LZTFL1: variants seen among roughly 807,000 people sequenced by gnomAD.
LZTFL1 encodes leucine zipper transcription factor-like protein 1.
In LZTFL1, 25 loss-of-function variants were observed where a neutral mutation model predicts 45.9. That is an observed-to-expected ratio of 0.54 (90% confidence interval 0.40 to 0.76). LZTFL1 has a LOEUF of 0.76. LZTFL1 is among the 30% of genes least tolerant of loss of function. The pLI, the probability that LZTFL1 is intolerant of heterozygous loss-of-function variation, is 0.00. For synonymous variants in LZTFL1, 93 were observed against 117.4 expected (o/e 0.79, Z 1.35); for missense variants, 277 against 331.1 (o/e 0.84, Z 1.27).
intron 3 of LZTFL1, chr3:45,855,210 C>T (rs1193350045): frequency 1.1e-5 from 6 of 557,216 alleles, no homozygotes; most frequent in East Asian, 6.3e-5. Flanking sequence ...AAAGCTTATC[C>T]ACCACAATCA....
chr3:45,851,975 G>T (rs1701317117), intron 4 of LZTFL1, among the ~76,000 whole-genome samples: 1 of 152,018 alleles, frequency 6.6e-6, no homozygotes, highest in African/African-American at 2.4e-5. Flanking sequence ...GTCAGCTCCT[G>T]CTCCACTCCA....
Position 45,901,323 on chromosome 3 carries a change from C to T in LZTFL1, c.-215+11797G>A, listed in dbSNP as rs1702549514. On this transcript the variant is annotated intron_variant, in intron 2 of 4. Transcript: ENST00000472635. This position sits in a 1 kb window ranked among gnomAD's most constrained non-coding sequence, Gnocchi z 4.3. ...TACCATCTGGGTATTGGCAGCTGCT[C>T]TCTGCATCCCAGAAATCTTATACAG... 6.2e-7 allele frequency: 1 copy of T among 1,614,188 alleles called. No homozygotes were observed. Among genetic ancestry groups the T allele is most frequent in the African/African-American group, 1.3e-5 (1 of 75,064 alleles).
chr3:45,841,957 C>G (rs969422283), intron 1 of LZTFL1, 32 bp downstream of exon 1: 1 of 1,609,052 alleles, frequency 6.2e-7, no homozygotes, highest in African/African-American at 1.3e-5. Flanking sequence ...CTCTCCTGTG[C>G]GCGGTGCGGC....
At chr3:45,875,207 A>ACG (rs1368089772) in intron 2 of LZTFL1, among the ~76,000 whole-genome samples, 1,357 of 24,452 alleles carry the variant, frequency 0.055, 21 homozygotes, top group African/African-American at 0.22. Flanking sequence ...CTCCCTTTGA[A>ACG]TGTGAGCTCT....
chr3:45,898,542 A>G (rs1223677502), intron 2 of LZTFL1, among the ~76,000 whole-genome samples: 2 of 152,216 alleles, frequency 1.3e-5, no homozygotes, highest in Non-Finnish European at 2.9e-5. Context: ...CGCCTCCAGG[A>G]TCCTGCTCCT....
chr3:45,851,471 C>T lies in LZTFL1; in HGVS notation c.-49+3515G>A, dbSNP rs979879144. On this transcript the variant is annotated intron_variant, in intron 4 of 4. Coordinates refer to the LZTFL1 transcript ENST00000472635. ...CAAACTCCTGACCTCATGATCCGCC[C>T]GCCTCGGCCTCCCAAAGTGCTGGGA... 6.6e-5 allele frequency among the ~76,000 whole-genome samples: 10 copies of T among 151,900 alleles called. No homozygotes were observed. The South Asian group carries it at 1.5e-3, about 22-fold the overall frequency.
chr3:45,846,611 C>T (rs1322079900), upstream of LZTFL1, among the ~76,000 whole-genome samples: 2 of 152,012 alleles, frequency 1.3e-5, no homozygotes, highest in Non-Finnish European at 2.9e-5. Context: ...ATATTATTTC[C>T]ATAAAGTAAG....
intron 2 of LZTFL1, among the ~76,000 whole-genome samples, chr3:45,882,089 T>C (rs1701871063): frequency 6.6e-6 from 1 of 152,358 alleles, no homozygotes; most frequent in Admixed American, 6.5e-5. Context: ...AAAGTGCTAT[T>C]AGATGGCTCT....
At position 45,901,887 on chromosome 3, in the gene LZTFL1, C is replaced by G. The variant is rs760734282; in HGVS notation, c.-215+11233G>C. On this transcript the variant is annotated intron_variant, in intron 2 of 4. Transcript: ENST00000472635. This position sits in a 1 kb window ranked among gnomAD's most constrained non-coding sequence, Gnocchi z 4.3. ...GTTGCTGGAGACAACCTCAGGAGCA[C>G]TCTCCCTCTGAGGGGTCTTCTCTGA... The G allele has an allele frequency of 1.3e-6, 2 of 1,595,904 alleles. No individual in the cohort carries two copies. The highest frequency in any genetic ancestry group is 1.7e-6 in the Non-Finnish European group (2 of 1,168,106).
At chr3:45,838,351 C>T (rs1335538757) in intron 1 of LZTFL1, among the ~76,000 whole-genome samples, 3 of 152,144 alleles carry the variant, frequency 2.0e-5, no homozygotes, top group African/African-American at 4.8e-5. Flanking sequence ...GAAGAGGTGG[C>T]GACTTGACTG....
chr3:45,873,996 C>G (rs1453243484), intron 2 of LZTFL1, among the ~76,000 whole-genome samples: 1 of 152,186 alleles, frequency 6.6e-6, no homozygotes. Flanking sequence ...TGCATGCACA[C>G]ATGCATATAT....
At chr3:45,840,655 A>C (rs973322792) in intron 1 of LZTFL1, among the ~76,000 whole-genome samples, 2 of 152,284 alleles carry the variant, frequency 1.3e-5, no homozygotes, top group Non-Finnish European at 2.9e-5. Flanking sequence ...ACATACAGCA[A>C]GAAATCCTGC....
At chr3:45,827,305 CA>C (rs1175441599) in intron 9 of LZTFL1, 50 bp downstream of exon 9, 3 of 1,337,970 alleles carry the variant, frequency 2.2e-6, no homozygotes, top group Non-Finnish European at 3.2e-6. Context: ...TAACAGAGAA[CA>C]AACATCAATC....
At chr3:45,877,671 G>T (rs1559416713) in intron 2 of LZTFL1, among the ~76,000 whole-genome samples, 1 of 151,676 alleles carries the variant, frequency 6.6e-6, no homozygotes, top group South Asian at 2.1e-4. Flanking sequence ...TTTCTAAGGT[G>T]AAACTCCATG....
intron 2 of LZTFL1, chr3:45,902,271 C>T (rs1702583906): frequency 5.2e-6 from 1 of 190,916 alleles, no homozygotes; most frequent in African/African-American, 2.4e-5. Context: ...CTGCCTCTTC[C>T]AAAAGGGGAC....
Position 45,830,923 on chromosome 3 carries a change from C to A in LZTFL1, c.590G>T (p.Gly197Val), listed in dbSNP as rs1393675370. 13 of 1,613,622 alleles carry A rather than the reference C, an allele frequency of 8.1e-6. No homozygotes were observed. The highest frequency in any genetic ancestry group is 1.1e-5 in the Non-Finnish European group (13 of 1,179,772). The change falls in exon 7 of 10, where the codon GGA (glycine) becomes GTA (valine). Residue 197 changes from glycine (G) to valine (V), a missense_variant. Transcript: ENST00000296135. The stretch of plus-strand genomic sequence containing the variant: ...TAAAACTTGTTTCACCTTTTGATTT[C>A]CTTGATCAAGCTGTAAATCTTGCAG... ...KALQDLQLDQ[G>V]NQKDFIKAQD...
At position 45,837,985 on chromosome 3, in the gene LZTFL1, T is replaced by A; in HGVS notation, c.70A>T (p.Lys24Ter). 6.2e-7 allele frequency: 1 copy of A among 1,613,840 alleles called. No individual in the cohort carries two copies. Among genetic ancestry groups the A allele is most frequent in the South Asian group, 1.1e-5 (1 of 90,976 alleles). Residue 24 changes from lysine to a stop codon, truncating the protein, a stop_gained, in exon 2 of 10, where the codon AAG becomes TAG. Coordinates refer to ENST00000296135, the MANE Select transcript of LZTFL1 (RefSeq NM_020347.4). LOFTEE classifies it high-confidence loss of function. The part of the protein sequence containing the change: ...VINYMRFARS[K>*]RGLRLKTVDS... ...ACAGTTTTGAGTCTCAAGCCTCTCT[T>A]TGAACGAGCAAAACGCATATAATTA...
chr3:45,901,464 C>T lies in LZTFL1; in HGVS notation c.-215+11656G>A. On this transcript the variant is annotated intron_variant, in intron 2 of 4. Transcript: ENST00000472635. This position sits in a 1 kb window ranked among gnomAD's most constrained non-coding sequence, Gnocchi z 4.3. ...GAAGGTCATTCTGGGGTTCTTCCTT[C>T]CCTTCGTGGTCATGGCTTGCTGCTA... is the stretch of plus-strand genomic sequence containing the variant. 6.2e-7 allele frequency: 1 copy of T among 1,614,146 alleles called. No individual in the cohort carries two copies. The highest frequency in any genetic ancestry group is 8.5e-7 in the Non-Finnish European group (1 of 1,180,008).
At chr3:45,848,843 T>C (rs969094808) in intron 4 of LZTFL1, among the ~76,000 whole-genome samples, 1 of 152,246 alleles carries the variant, frequency 6.6e-6, no homozygotes, top group African/African-American at 2.4e-5. Flanking sequence ...TTTACATATA[T>C]TTTATGCATT....
Sources: allele counts gnomAD v4.1 joint callset (sites outside exome capture counted in the v4.1 genomes callset), GRCh38; gene constraint gnomAD v4.1.1; non-coding constraint Gnocchi (gnomAD v3.1); transcripts MANE v1.5; gene names NCBI Gene and HGNC (gene_info 2026-07-23, HGNC 2026-07-21).